SLIT1: variants seen among roughly 807,000 people sequenced by gnomAD.
The protein encoded by SLIT1 is slit guidance ligand 1.
SLIT1 carries 66 observed loss-of-function variants against 186.1 expected under a neutral mutation model. The observed-to-expected ratio is 0.35, with a 90% CI of 0.29 to 0.44. The LOEUF (loss-of-function observed/expected upper bound fraction) is 0.44, where lower values mean the gene tolerates loss of function less well. Ranked by LOEUF, SLIT1 falls within the 20% of genes least tolerant of loss-of-function variation. SLIT1 has a pLI of 1.00. For synonymous variants in SLIT1, 761 were observed against 833.8 expected, an observed-to-expected ratio of 0.91 and a Z score of 1.50; for missense variants, 1,638 against 2,037.4, an observed-to-expected ratio of 0.80 and a Z score of 3.77.
intron 13 of SLIT1, among the ~76,000 whole-genome samples, chr10:97,050,671 T>C (rs1022444185): frequency 6.6e-6 from 1 of 152,254 alleles, no homozygotes; most frequent in East Asian, 1.9e-4. Flanking sequence ...CCTCCCCAGC[T>C]GCCCATCCAC....
chr10:97,150,841 G>A (rs1426146639), intron 4 of SLIT1, among the ~76,000 whole-genome samples: 5 of 150,406 alleles, frequency 3.3e-5, no homozygotes, highest in African/African-American at 7.5e-5. Flanking sequence ...TTTTGCTGCT[G>A]TAAGAAGCAA....
chr10:97,023,355 T>C (rs1848517853), intron 25 of SLIT1, among the ~76,000 whole-genome samples: 2 of 151,754 alleles, frequency 1.3e-5, no homozygotes, highest in Non-Finnish European at 2.9e-5. Flanking sequence ...TTTGAGCCAC[T>C]GCACCTGGCT....
intron 4 of SLIT1, among the ~76,000 whole-genome samples, chr10:97,150,673 G>A (rs1047877974): frequency 2.0e-5 from 3 of 146,586 alleles, no homozygotes; most frequent in African/African-American, 7.5e-5. Flanking sequence ...AGGAAGCCCA[G>A]AGGAACTGGG....
At chr10:97,020,349 A>C (rs550212417) in intron 26 of SLIT1, among the ~76,000 whole-genome samples, 4 of 152,194 alleles carry the variant, frequency 2.6e-5, no homozygotes, top group Non-Finnish European at 4.4e-5. Flanking sequence ...CCATTCACTC[A>C]TGATCTGTGT....
intron 16 of SLIT1, 56 bp downstream of exon 16, chr10:97,047,634 G>T: frequency 6.4e-7 from 1 of 1,552,144 alleles, no homozygotes. Flanking sequence ...AGTAGGCCAA[G>T]GAGGGTTAGT....
chr10:97,018,905 C>A, intron 27 of SLIT1, 78 bp downstream of exon 27: 2 of 832,312 alleles, frequency 2.4e-6, no homozygotes, highest in Non-Finnish European at 2.0e-6. Context: ...CTGAGTCAGG[C>A]AGTGCTCTGG....
At chr10:97,147,561 G>A (rs1387090806) in intron 4 of SLIT1, among the ~76,000 whole-genome samples, 1 of 151,954 alleles carries the variant, frequency 6.6e-6, no homozygotes, top group African/African-American at 2.4e-5. Flanking sequence ...CAGGCAACCT[G>A]TGGGAGACCC....
intron 4 of SLIT1, among the ~76,000 whole-genome samples, chr10:97,146,341 C>A (rs1337259913): frequency 1.3e-5 from 2 of 152,148 alleles, no homozygotes; most frequent in Non-Finnish European, 2.9e-5. Context: ...CCCATCCTAA[C>A]CAAAAATTGA....
chr10:97,048,062 C>T, intron 14 of SLIT1, 66 bp from the exon 15 acceptor site: 2 of 1,565,934 alleles, frequency 1.3e-6, no homozygotes, highest in Non-Finnish European at 1.8e-6. Flanking sequence ...CAGCCCAGGC[C>T]CCAGCCCCAC....
intron 4 of SLIT1, chr10:97,103,547 A>C (rs1005466462): frequency 1.3e-5 from 2 of 152,192 alleles, no homozygotes; most frequent in Non-Finnish European, 1.5e-5. Flanking sequence ...TTTTTACAAC[A>C]ATCAGACTCC....
intron 20 of SLIT1, among the ~76,000 whole-genome samples, chr10:97,040,513 T>C (rs1485771772): frequency 6.6e-6 from 1 of 152,132 alleles, no homozygotes; most frequent in Non-Finnish European, 1.5e-5. Flanking sequence ...ATGAGGAGGA[T>C]GGAGACCTGG....
At position 97,068,705 on chromosome 10, in the gene SLIT1, C is replaced by T. The variant is rs1311329500; in HGVS notation, c.414-2619G>A. On this transcript the variant is annotated intron_variant, in intron 4 of 36. Transcript: ENST00000266058. This position sits in a 1 kb window ranked among gnomAD's most constrained non-coding sequence, Gnocchi z 4.2. ...CCGCACTCGCCCGGCCCCACCTTCC[C>T]TTCCTGCTCTCCCCATGGCATCTTT... 6.6e-6 allele frequency among the ~76,000 whole-genome samples: 1 copy of T among 152,218 alleles called. No homozygotes were observed. Among genetic ancestry groups the T allele is most frequent in the East Asian group, 1.9e-4 (1 of 5,198 alleles).
At chr10:97,149,024 T>A (rs1016289853) in intron 4 of SLIT1, among the ~76,000 whole-genome samples, 1 of 152,250 alleles carries the variant, frequency 6.6e-6, no homozygotes, top group African/African-American at 2.4e-5. Context: ...TCTCTCGGGA[T>A]GACCCACTGA....
intron 18 of SLIT1, among the ~76,000 whole-genome samples, chr10:97,044,378 G>C (rs939214369): frequency 2.6e-5 from 4 of 152,098 alleles, no homozygotes; most frequent in African/African-American, 9.7e-5. Context: ...CTGCCTGGGA[G>C]ACAGAGTGAG....
At chr10:97,052,043 G>A (rs1035227174) in intron 13 of SLIT1, among the ~76,000 whole-genome samples, 2 of 151,230 alleles carry the variant, frequency 1.3e-5, no homozygotes, top group Admixed American at 6.6e-5. Context: ...AAAACGTTAT[G>A]CTAAAGAAAT....
chr10:97,082,092 C>T (rs1849110868), intron 4 of SLIT1, among the ~76,000 whole-genome samples: 1 of 152,242 alleles, frequency 6.6e-6, no homozygotes, highest in Admixed American at 6.5e-5. Context: ...CACTAAGCTA[C>T]TTCTATATGG....
intron 4 of SLIT1, among the ~76,000 whole-genome samples, chr10:97,078,940 C>T (rs1023916042): frequency 6.6e-6 from 1 of 152,202 alleles, no homozygotes; most frequent in African/African-American, 2.4e-5. Flanking sequence ...GGACCAGCGA[C>T]TTCAGAAGTT....
chr10:97,043,878 A>G lies in SLIT1; in HGVS notation c.1854-365T>C. ...TTCCTGAAACCTAATCCATCATGTC[A>G]CTCTCCAGCTTAAAGTCCACTAACA... is the stretch of plus-strand genomic sequence containing the variant. On this transcript the variant is annotated intron_variant, in intron 18 of 36. Transcript: ENST00000266058. The surrounding 1 kb of genome is among the most constrained non-coding windows in gnomAD (Gnocchi z 7.0). 6.6e-6 allele frequency among the ~76,000 whole-genome samples: 1 copy of G among 151,192 alleles called. No homozygotes were observed. Among genetic ancestry groups the G allele is most frequent in the East Asian group, 1.9e-4 (1 of 5,160 alleles).
At chr10:97,135,161 G>A (rs563210275) in intron 4 of SLIT1, among the ~76,000 whole-genome samples, 4 of 152,332 alleles carry the variant, frequency 2.6e-5, no homozygotes, top group Non-Finnish European at 4.4e-5. Context: ...TCGAAGGCAC[G>A]GGCTTCACGA....
Sources: gnomAD v4.1 joint callset for allele counts (sites outside exome capture counted in the v4.1 genomes callset) on GRCh38, gnomAD v4.1.1 for gene constraint, Gnocchi (gnomAD v3.1) non-coding constraint, MANE v1.5 for transcripts, NCBI Gene and HGNC (gene_info 2026-07-23, HGNC 2026-07-21) for gene names.